WWC2: variants seen among roughly 807,000 people sequenced by gnomAD.
WWC2 encodes the protein protein WWC2.
Under a neutral mutation model 138.5 loss-of-function variants are expected in WWC2, and 101 were observed. The observed-to-expected ratio is 0.73, with a 90% CI of 0.62 to 0.86. The LOEUF (loss-of-function observed/expected upper bound fraction) is 0.86. WWC2 is among the 40% of genes least tolerant of loss of function. The pLI, the probability that WWC2 is intolerant of heterozygous loss-of-function variation, is 0.00. For missense variants in WWC2, 1,420 were observed against 1,419.4 expected (o/e 1.00, Z -0.01); for synonymous variants, 558 against 538.4 (o/e 1.04, Z -0.50).
Position 183,278,781 on chromosome 4 carries a change from TC to T in WWC2, c.2563-1994del, listed in dbSNP as rs1737957410. On this transcript the variant is annotated intron_variant, in intron 16 of 22. Coordinates refer to ENST00000403733, the MANE Select transcript of WWC2 (RefSeq NM_024949.6). ...CACTCCTGATTTGGCTCTCTGTTTG[TC>T]TGTTGTTGGTGTATAAGAATGCTTG... Among the ~76,000 whole-genome samples, 3 of 151,796 alleles carry T rather than the reference TC, an allele frequency of 2.0e-5. 1 individual carries two copies. Among genetic ancestry groups the T allele is most frequent in the African/African-American group, 7.3e-5 (3 of 41,208 alleles).
chr4:183,232,330 A>G (rs1273577087), intron 4 of WWC2, among the ~76,000 whole-genome samples: 1 of 152,178 alleles, frequency 6.6e-6, no homozygotes, highest in Non-Finnish European at 1.5e-5. Context: ...TAATACATTC[A>G]TAGTTACATG....
chr4:183,209,084 T>A, intron 4 of WWC2, 59 bp downstream of exon 4: 1 of 1,235,124 alleles, frequency 8.1e-7, no homozygotes, highest in Non-Finnish European at 1.2e-6. Context: ...CTGAAGGCTG[T>A]GGAAGGGGCT....
chr4:183,280,150 G>A (rs1274121587), intron 16 of WWC2, among the ~76,000 whole-genome samples: 2 of 148,412 alleles, frequency 1.3e-5, no homozygotes, highest in East Asian at 4.1e-4. Flanking sequence ...ATGTGGGGAT[G>A]TGAATTCCAG....
At chr4:183,271,726 A>G (rs1015890995) in intron 16 of WWC2, among the ~76,000 whole-genome samples, 2 of 152,162 alleles carry the variant, frequency 1.3e-5, no homozygotes, top group African/African-American at 4.8e-5. Context: ...TGTGAAGGCC[A>G]GGCGTGGTGG....
chr4:183,160,418 C>G (rs1006919835), intron 1 of WWC2, among the ~76,000 whole-genome samples: 2 of 152,140 alleles, frequency 1.3e-5, no homozygotes, highest in Non-Finnish European at 2.9e-5. Context: ...ATATTGATAG[C>G]AAAGCAAATG....
intron 4 of WWC2, among the ~76,000 whole-genome samples, chr4:183,213,514 A>C (rs1008629798): frequency 6.6e-6 from 1 of 152,166 alleles, no homozygotes; most frequent in Non-Finnish European, 1.5e-5. Context: ...TAGCAGGTGT[A>C]CCTCAGTTGT....
chr4:183,132,992 TTTTCTTTTC>T (rs1219742974), intron 1 of WWC2, among the ~76,000 whole-genome samples: 1 of 139,694 alleles, frequency 7.2e-6, no homozygotes, highest in Non-Finnish European at 1.6e-5. Flanking sequence ...GGATATTAAG[TTTTCTTTTC>T]TTTCTTTTCT....
At chr4:183,150,833 C>T in intron 1 of WWC2, among the ~76,000 whole-genome samples, 1 of 152,140 alleles carries the variant, frequency 6.6e-6, no homozygotes, top group East Asian at 1.9e-4. Context: ...ATGATGGTTT[C>T]CAGCTTCATC....
chr4:183,177,422 A>G (rs955244896), intron 1 of WWC2, among the ~76,000 whole-genome samples: 2 of 152,252 alleles, frequency 1.3e-5, no homozygotes, highest in African/African-American at 2.4e-5. Flanking sequence ...TCAGATTATG[A>G]CAATAAAAAT....
At chr4:183,140,535 T>G (rs1205057504) in intron 1 of WWC2, among the ~76,000 whole-genome samples, 1 of 152,208 alleles carries the variant, frequency 6.6e-6, no homozygotes. Context: ...TGCCCTTGTG[T>G]TGTTAATGGG....
intron 1 of WWC2, among the ~76,000 whole-genome samples, chr4:183,172,574 T>G (rs1734325035): frequency 6.8e-6 from 1 of 147,310 alleles, no homozygotes; most frequent in African/African-American, 2.5e-5. Flanking sequence ...TTTTTTTTTT[T>G]GTTATTGTTA....
At chr4:183,239,825 A>G (rs922910562) in intron 4 of WWC2, among the ~76,000 whole-genome samples, 1 of 152,212 alleles carries the variant, frequency 6.6e-6, no homozygotes, top group Admixed American at 6.5e-5. Context: ...AGGGGTGGGC[A>G]GTGGCCCTTG....
intron 1 of WWC2, among the ~76,000 whole-genome samples, chr4:183,110,432 A>ATTTTTTT (rs545128013): frequency 8.5e-6 from 1 of 117,418 alleles, no homozygotes; most frequent in African/African-American, 3.3e-5. Context: ...CTGTAGAGCT[A>ATTTTTTT]TTTTTTTTTT....
intron 10 of WWC2, among the ~76,000 whole-genome samples, chr4:183,260,486 T>C (rs1304483186): frequency 6.6e-6 from 1 of 152,260 alleles, no homozygotes; most frequent in African/African-American, 2.4e-5. Flanking sequence ...TCCCGTAAGA[T>C]TGTAATACTG....
intron 9 of WWC2, among the ~76,000 whole-genome samples, 163 bp downstream of exon 9, chr4:183,254,162 T>C (rs1333780328): frequency 1.3e-5 from 2 of 152,198 alleles, no homozygotes; most frequent in African/African-American, 4.8e-5. Context: ...ACCATCCTAA[T>C]GCCCGACAGG....
intron 4 of WWC2, among the ~76,000 whole-genome samples, chr4:183,210,037 G>A (rs1735553285): frequency 1.3e-5 from 2 of 152,160 alleles, no homozygotes; most frequent in South Asian, 2.1e-4. Flanking sequence ...ACAGCATTTC[G>A]AGATCCACGT....
At chr4:183,182,796 T>C (rs1337987254) in intron 1 of WWC2, among the ~76,000 whole-genome samples, 1 of 152,216 alleles carries the variant, frequency 6.6e-6, no homozygotes. Flanking sequence ...TCAGGAAACA[T>C]ATGTATCAAC....
chr4:183,269,576 A>G, intron 15 of WWC2: 6 of 463,446 alleles, frequency 1.3e-5, no homozygotes, highest in South Asian at 9.4e-5. Flanking sequence ...ATTATCCACT[A>G]TTTTCAGATA....
intron 1 of WWC2, among the ~76,000 whole-genome samples, chr4:183,190,907 G>A (rs1408164484): frequency 6.6e-6 from 1 of 152,074 alleles, no homozygotes; most frequent in African/African-American, 2.4e-5. Flanking sequence ...TCATACTCAC[G>A]CTTAAGCACA....
Sources: allele counts gnomAD v4.1 joint callset (sites outside exome capture counted in the v4.1 genomes callset), GRCh38; gene constraint gnomAD v4.1.1; transcripts MANE v1.5; gene names NCBI Gene and HGNC (gene_info 2026-07-23, HGNC 2026-07-21).